The following CNBD1 variants were observed in gnomAD, a reference collection of about 807,000 sequenced individuals.
The protein encoded by CNBD1 is cyclic nucleotide binding domain containing 1.
In CNBD1, 71 loss-of-function variants were observed where a neutral mutation model predicts 54.4. The ratio of observed to expected loss-of-function variants is 1.30; its 90% CI spans 1.08 to 1.59. The LOEUF (loss-of-function observed/expected upper bound fraction) is 1.59. Among genes scored for constraint, CNBD1 ranks in the 40% most tolerant of loss-of-function variants. The pLI, the probability that CNBD1 is intolerant of heterozygous loss-of-function variation, is 0.00. For synonymous variants in CNBD1, 182 were observed against 170.7 expected (o/e 1.07, Z -0.51); for missense variants, 659 against 518.0 (o/e 1.27, Z -2.64).
At chr8:86,916,739 T>A (rs1028408165) in intron 3 of CNBD1, among the ~76,000 whole-genome samples, 9 of 152,028 alleles carry the variant, frequency 5.9e-5, no homozygotes, top group Non-Finnish European at 1.2e-4. Context: ...AATCTCACTC[T>A]GTCACCCAAG....
At chr8:87,186,811 T>C (rs962771553) in intron 4 of CNBD1, among the ~76,000 whole-genome samples, 1 of 152,210 alleles carries the variant, frequency 6.6e-6, no homozygotes. Flanking sequence ...AACGCATGCA[T>C]ATGGCAAGAT....
chr8:87,305,171 G>A (rs900936228), intron 8 of CNBD1, among the ~76,000 whole-genome samples: 1 of 151,698 alleles, frequency 6.6e-6, no homozygotes, highest in Non-Finnish European at 1.5e-5. Flanking sequence ...TGCAAAAAAA[G>A]AAAAAATACT....
chr8:87,367,892 C>A (rs1810673989), intron 10 of CNBD1, among the ~76,000 whole-genome samples: 1 of 152,018 alleles, frequency 6.6e-6, no homozygotes, highest in African/African-American at 2.4e-5. Flanking sequence ...AATATGTTGG[C>A]CGGGAGTGGT....
At chr8:87,389,584 G>T (rs912543093) in intron 2 of CNBD1, among the ~76,000 whole-genome samples, 6 of 152,086 alleles carry the variant, frequency 3.9e-5, no homozygotes, top group Non-Finnish European at 8.8e-5. Context: ...ACAAACCACT[G>T]CTCGAAGTAA....
At chr8:87,062,963 T>A (rs1414788840) in intron 4 of CNBD1, among the ~76,000 whole-genome samples, 1 of 152,130 alleles carries the variant, frequency 6.6e-6, no homozygotes, top group Non-Finnish European at 1.5e-5. Flanking sequence ...AATTAACATA[T>A]AGCTGCGTTA....
intron 6 of CNBD1, among the ~76,000 whole-genome samples, chr8:87,241,182 G>T (rs1170136331): frequency 2.0e-5 from 3 of 150,270 alleles, no homozygotes; most frequent in African/African-American, 7.4e-5. Context: ...GAAGGAGTTT[G>T]TACTCATTTG....
chr8:86,866,464 T>C lies in CNBD1; in HGVS notation c.-32T>C. 6.4e-7 allele frequency: 1 copy of C among 1,552,910 alleles called. No individual in the cohort carries two copies. Among genetic ancestry groups the C allele is most frequent in the Non-Finnish European group, 8.8e-7 (1 of 1,131,996 alleles). On this transcript the variant is annotated 5_prime_UTR_variant, in exon 1 of 11. Transcript: ENST00000518476. ...GTGATCATTTGCCTCTCAAGCAGCC[T>C]CTGGTCATCTATCTGCCTTTGAGCC...
chr8:87,336,874 T>C (rs932040283), intron 8 of CNBD1, among the ~76,000 whole-genome samples: 3 of 152,106 alleles, frequency 2.0e-5, no homozygotes, highest in African/African-American at 7.2e-5. Flanking sequence ...TTGGATGAGG[T>C]TTTTTTGGTG....
At chr8:87,333,691 C>T (rs1347421355) in intron 8 of CNBD1, among the ~76,000 whole-genome samples, 1 of 151,676 alleles carries the variant, frequency 6.6e-6, no homozygotes, top group Non-Finnish European at 1.5e-5. Flanking sequence ...TGATGTTAAA[C>T]CAGCCTTGCA....
intron 6 of CNBD1, among the ~76,000 whole-genome samples, chr8:87,264,069 C>T (rs913548515): frequency 7.2e-4 from 109 of 152,112 alleles, no homozygotes; most frequent in African/African-American, 2.1e-3. Flanking sequence ...CATATGTATA[C>T]ATGTGCCATG....
At chr8:87,417,491 G>A (rs904456858) in intron 2 of CNBD1, among the ~76,000 whole-genome samples, 2 of 151,856 alleles carry the variant, frequency 1.3e-5, no homozygotes, top group African/African-American at 4.8e-5. Context: ...TCACCCCCTG[G>A]GAAATTTGGC....
At chr8:87,011,615 A>G (rs922413264) in intron 4 of CNBD1, among the ~76,000 whole-genome samples, 14 of 152,200 alleles carry the variant, frequency 9.2e-5, no homozygotes, top group African/African-American at 3.4e-4. Flanking sequence ...AAAAATCTTT[A>G]TAAATGAATT....
intron 4 of CNBD1, among the ~76,000 whole-genome samples, chr8:86,979,554 C>A (rs995822569): frequency 1.1e-4 from 16 of 152,052 alleles, no homozygotes; most frequent in African/African-American, 3.4e-4. Context: ...CTACTTCAGC[C>A]TGGGTGGCAG....
rs116004203 is a variant in CNBD1 at position 87,366,588 on chromosome 8, A to G, written c.1303+12802A>G. On this transcript the variant is annotated intron_variant, in intron 10 of 10. Transcript: ENST00000518476. ...TTAACTCGTTAGTATCCTTAATTAC[A>G]TCTGCAAAAATCCCTGTACTGTGTA... 3.3e-3 allele frequency among the ~76,000 whole-genome samples: 500 copies of G among 152,208 alleles called. 1 individual carries two copies. The highest frequency in any genetic ancestry group is 0.011 in the African/African-American group (475 of 41,548).
At chr8:87,101,279 C>T (rs368490862) in intron 4 of CNBD1, among the ~76,000 whole-genome samples, 2 of 151,886 alleles carry the variant, frequency 1.3e-5, no homozygotes, top group Non-Finnish European at 2.9e-5. Flanking sequence ...CTTCAAAAAC[C>T]AAAGGAAAAA....
chr8:87,390,274 T>C (rs1811280967), intron 2 of CNBD1, among the ~76,000 whole-genome samples: 1 of 152,134 alleles, frequency 6.6e-6, no homozygotes, highest in Admixed American at 6.6e-5. Flanking sequence ...AAAGAGCTTC[T>C]GCACAGCAAA....
chr8:87,337,715 G>A (rs1174979347), intron 8 of CNBD1, among the ~76,000 whole-genome samples: 2 of 152,212 alleles, frequency 1.3e-5, no homozygotes, highest in African/African-American at 2.4e-5. Flanking sequence ...GGGGGTGGGG[G>A]CTCTCAGGTG....
intron 4 of CNBD1, among the ~76,000 whole-genome samples, chr8:87,111,887 T>C (rs1811671241): frequency 6.6e-6 from 1 of 152,066 alleles, no homozygotes. Flanking sequence ...GTCTCTGATA[T>C]TTGGGGAAGC....
At chr8:87,132,934 C>T (rs181257681) in intron 4 of CNBD1, among the ~76,000 whole-genome samples, 151 of 151,176 alleles carry the variant, frequency 1.0e-3, no homozygotes, top group African/African-American at 3.5e-3. Flanking sequence ...TCTATGAAAT[C>T]ATTCTCAATC....
Sources: allele counts gnomAD v4.1 joint callset (sites outside exome capture counted in the v4.1 genomes callset), GRCh38; gene constraint gnomAD v4.1.1; transcripts MANE v1.5; gene names NCBI Gene and HGNC (gene_info 2026-07-23, HGNC 2026-07-21).